The following GCNA variants were observed in gnomAD, a reference collection of about 807,000 sequenced individuals.
GCNA encodes germ cell nuclear acidic protein.
Under a neutral mutation model 38.8 loss-of-function variants are expected in GCNA, and 3 were observed. The observed-to-expected ratio is 0.08, with a 90% confidence interval of 0.04 to 0.20. The LOEUF (loss-of-function observed/expected upper bound fraction) is 0.20, where lower values mean the gene tolerates loss of function less well. GCNA is among the 10% of genes least tolerant of loss of function. The pLI is 1.00. For missense variants in GCNA, 446 were observed against 578.6 expected (o/e 0.77, Z 2.35); for synonymous variants, 195 against 240.2 (o/e 0.81, Z 1.74).
chrX:71,586,268 T>C (rs891070064), intron 2 of GCNA, among the ~76,000 whole-genome samples: 3 of 111,056 alleles, frequency 2.7e-5, no homozygotes, highest in African/African-American at 9.9e-5. Context: ...TATATTGTAG[T>C]TCATAAATTC....
intron 10 of GCNA, among the ~76,000 whole-genome samples, chrX:71,610,389 G>A (rs966565274): frequency 8.0e-5 from 9 of 112,071 alleles, no homozygotes; most frequent in East Asian, 2.8e-4. Flanking sequence ...CAAGGCAGGC[G>A]GATCACCTGA....
chrX:71,605,849 C>A (rs1602183181), intron 9 of GCNA, 120 bp downstream of exon 9: 4 of 543,628 alleles, frequency 7.4e-6, no homozygotes, highest in African/African-American at 2.3e-5. Context: ...TGGGATGGGA[C>A]TGGGGGACAA....
chrX:71,611,969 T>C (rs1271743615), intron 11 of GCNA, among the ~76,000 whole-genome samples: 3 of 110,010 alleles, frequency 2.7e-5, no homozygotes, highest in Non-Finnish European at 5.7e-5. Flanking sequence ...GGTTGTTGGG[T>C]AGCAGATAAG....
At chrX:71,602,330 G>T (rs773373853) in intron 7 of GCNA, among the ~76,000 whole-genome samples, 1 of 111,396 alleles carries the variant, frequency 9.0e-6, no homozygotes, top group South Asian at 3.8e-4. Flanking sequence ...GGGACCACAG[G>T]CACACATCAC....
chrX:71,610,575 T>C, intron 10 of GCNA, 106 bp from the exon 11 acceptor site: 1 of 1,015,976 alleles, frequency 9.8e-7, no homozygotes, highest in Non-Finnish European at 1.3e-6. Context: ...TTTGCACCAT[T>C]GCACTCCAGC....
At chrX:71,604,798 T>C in intron 8 of GCNA, 122 bp downstream of exon 8, 1 of 1,001,002 alleles carries the variant, frequency 1.0e-6, no homozygotes, top group Admixed American at 3.4e-5. Flanking sequence ...AACTTCCCTG[T>C]GGCCCAAGGA....
At chrX:71,594,706 T>G in intron 5 of GCNA, 40 bp from the exon 6 acceptor site, 1 of 955,116 alleles carries the variant, frequency 1.0e-6, no homozygotes, top group Admixed American at 3.1e-5. Context: ...GATTTTTTCA[T>G]GCTTCAGATG....
rs2040519917 is a variant in GCNA, at chrX:71,578,709, G to T, written c.-3+187G>T. 2.7e-5 allele frequency among the ~76,000 whole-genome samples: 3 copies of T among 111,642 alleles called. No individual in the cohort carries two copies. In the South Asian group the frequency reaches 1.1e-3, roughly 42 times the overall value. Reference sequence around the variant, plus strand: ...TGGAGGCGCCAGTGGTAGCATTGGGGGAGGTGGGGGCGCCCATGGTGGTGT... The same window carrying T: ...TGGAGGCGCCAGTGGTAGCATTGGGTGAGGTGGGGGCGCCCATGGTGGTGT... On this transcript the variant is annotated intron_variant, in intron 1 of 12. Coordinates refer to ENST00000373696, the MANE Select transcript of GCNA (RefSeq NM_052957.5).
At chrX:71,610,845 A>G in intron 11 of GCNA, 26 bp downstream of exon 11, 1 of 1,208,333 alleles carries the variant, frequency 8.3e-7, no homozygotes, top group Non-Finnish European at 1.1e-6. Flanking sequence ...TGGTAGCTTC[A>G]CCACTGTGCT....
chrX:71,601,826 G>A (rs950828126), intron 7 of GCNA, among the ~76,000 whole-genome samples: 3 of 112,296 alleles, frequency 2.7e-5, no homozygotes, highest in African/African-American at 6.5e-5. Flanking sequence ...GATTACAGGC[G>A]CGAGCCACCG....
chrX:71,585,585 G>A (rs1462820801), intron 2 of GCNA, among the ~76,000 whole-genome samples: 1 of 110,442 alleles, frequency 9.1e-6, no homozygotes, highest in Non-Finnish European at 1.9e-5. Context: ...AGCTCTTGAG[G>A]CCAGACACCA....
chrX:71,590,972 C>T (rs2040623543), intron 2 of GCNA, among the ~76,000 whole-genome samples: 1 of 111,863 alleles, frequency 8.9e-6, no homozygotes, highest in Non-Finnish European at 1.9e-5. Context: ...CGTGAGCCAC[C>T]GTGCCCAGCT....
intron 3 of GCNA, among the ~76,000 whole-genome samples, 183 bp from the exon 4 acceptor site, chrX:71,592,354 T>TA (rs2040635412): frequency 2.2e-5 from 2 of 90,826 alleles, no homozygotes; most frequent in African/African-American, 4.2e-5. Context: ...TTTTCCAACT[T>TA]ACTTTCCTCC....
chrX:71,578,911 T>TG (rs2040522261), intron 1 of GCNA, among the ~76,000 whole-genome samples: 1 of 30,966 alleles, frequency 3.2e-5, no homozygotes, highest in Non-Finnish European at 6.9e-5. Context: ...CAGTGGCGGG[T>TG]GGAGAGAAGT....
At chrX:71,592,735 AG>A (rs1181848438) in intron 4 of GCNA, among the ~76,000 whole-genome samples, 165 bp downstream of exon 4, 1 of 101,505 alleles carries the variant, frequency 9.9e-6, no homozygotes, top group Non-Finnish European at 2.0e-5. Flanking sequence ...CATCACAACC[AG>A]GTTGAAAACA....
chrX:71,589,557 C>A (rs992669725), intron 2 of GCNA, among the ~76,000 whole-genome samples: 1 of 96,385 alleles, frequency 1.0e-5, no homozygotes, highest in Non-Finnish European at 2.0e-5. Flanking sequence ...CCTCTGCCTC[C>A]AGGTTTCAAG....
At chrX:71,592,622 G>T in intron 4 of GCNA, 52 bp downstream of exon 4, 6 of 1,093,479 alleles carry the variant, frequency 5.5e-6, no homozygotes, top group Non-Finnish European at 6.1e-6. Context: ...TTAAATTAAG[G>T]GGGGAAAAAC....
chrX:71,582,694 A>G (rs1468720380), intron 2 of GCNA, among the ~76,000 whole-genome samples: 1 of 112,035 alleles, frequency 8.9e-6, no homozygotes, highest in Non-Finnish European at 1.9e-5. Flanking sequence ...TGATTATATC[A>G]TACATGTAAT....
chrX:71,608,425 A>G (rs1207810638), intron 9 of GCNA, among the ~76,000 whole-genome samples: 3 of 110,724 alleles, frequency 2.7e-5, no homozygotes, highest in African/African-American at 9.9e-5. Context: ...GGCGCCCACC[A>G]TCACGCCCAG....
Sources: gnomAD v4.1 joint callset for allele counts (sites outside exome capture counted in the v4.1 genomes callset) on GRCh38, gnomAD v4.1.1 for gene constraint, MANE v1.5 for transcripts, NCBI Gene and HGNC (gene_info 2026-07-23, HGNC 2026-07-21) for gene names.